The following ST8SIA4 variants were observed in gnomAD, a reference collection of about 807,000 sequenced individuals.
ST8SIA4 encodes CMP-N-acetylneuraminate-poly-alpha-2,8-sialyltransferase.
Under a neutral mutation model 33.9 loss-of-function variants are expected in ST8SIA4, and 15 were observed. The ratio of observed to expected loss-of-function variants is 0.44; its 90% CI spans 0.30 to 0.68. ST8SIA4 has a LOEUF of 0.68. ST8SIA4 is among the 30% of genes least tolerant of loss of function. The pLI, the probability that ST8SIA4 is intolerant of heterozygous loss-of-function variation, is 0.10. For synonymous variants in ST8SIA4, 171 were observed against 151.2 expected (o/e 1.13, Z -0.96); for missense variants, 321 against 428.0 (o/e 0.75, Z 2.21).
intron 4 of ST8SIA4, among the ~76,000 whole-genome samples, chr5:100,829,013 T>C (rs1358242091): frequency 6.6e-6 from 1 of 152,204 alleles, no homozygotes; most frequent in African/African-American, 2.4e-5. Flanking sequence ...CAGTGACCTA[T>C]AAAAACAGTG....
At chr5:100,885,107 T>C (rs1752508837) in intron 3 of ST8SIA4, among the ~76,000 whole-genome samples, 1 of 150,164 alleles carries the variant, frequency 6.7e-6, no homozygotes, top group Non-Finnish European at 1.5e-5. Context: ...ACTTCGACAT[T>C]TGAAGCTCCT....
At chr5:100,899,647 C>T (rs1752856956) in intron 1 of ST8SIA4, among the ~76,000 whole-genome samples, 1 of 152,092 alleles carries the variant, frequency 6.6e-6, no homozygotes, top group African/African-American at 2.4e-5. Flanking sequence ...TAAGGACTAA[C>T]AAAACAAATA....
chr5:100,826,337 T>C (rs530746530), intron 4 of ST8SIA4, among the ~76,000 whole-genome samples: 29 of 152,330 alleles, frequency 1.9e-4, no homozygotes, highest in South Asian at 1.9e-3. Context: ...AAGTTTCAAT[T>C]TCCAGTTGAT....
intron 4 of ST8SIA4, among the ~76,000 whole-genome samples, chr5:100,834,074 T>C (rs971641445): frequency 6.6e-6 from 1 of 152,162 alleles, no homozygotes; most frequent in Admixed American, 6.6e-5. Context: ...TGAGTGCTAA[T>C]ATAATAATCA....
rs180711122 is a variant in ST8SIA4 at position 100,899,831 on chromosome 5, A to G, written c.113+3012T>C. On this transcript the variant is annotated intron_variant, in intron 1 of 4. Coordinates refer to ENST00000231461, the MANE Select transcript of ST8SIA4 (RefSeq NM_005668.6). Reference sequence around the variant, plus strand: ...AACTGTGAGGTCTACTAAGAAAGTAAAGTTAGTCAAGAACACACCACTTAA... The same window carrying G: ...AACTGTGAGGTCTACTAAGAAAGTAGAGTTAGTCAAGAACACACCACTTAA... Among the ~76,000 whole-genome samples the G allele has an allele frequency of 3.5e-4, 54 of 152,346 alleles. No individual in the cohort carries two copies. In the East Asian group the frequency reaches 8.5e-3, roughly 24 times the overall value.
intron 4 of ST8SIA4, among the ~76,000 whole-genome samples, chr5:100,820,013 T>C (rs1307643279): frequency 6.6e-6 from 1 of 152,186 alleles, no homozygotes; most frequent in Non-Finnish European, 1.5e-5. Flanking sequence ...ATCCCTGAGT[T>C]ACAATATTCA....
intron 4 of ST8SIA4, among the ~76,000 whole-genome samples, chr5:100,836,297 G>A (rs1236700645): frequency 2.6e-5 from 4 of 152,022 alleles, no homozygotes; most frequent in Non-Finnish European, 4.4e-5. Flanking sequence ...CTGGCACAAA[G>A]TCATGGAGCT....
chr5:100,845,897 C>G (rs1751559623), intron 4 of ST8SIA4, among the ~76,000 whole-genome samples: 1 of 151,836 alleles, frequency 6.6e-6, no homozygotes, highest in Non-Finnish European at 1.5e-5. Context: ...CTCAGGTGGC[C>G]AGGATGAATT....
intron 4 of ST8SIA4, among the ~76,000 whole-genome samples, chr5:100,850,677 T>C (rs756366654): frequency 6.6e-6 from 1 of 151,964 alleles, no homozygotes; most frequent in Non-Finnish European, 1.5e-5. Context: ...GAACATATTA[T>C]ACAGTATTCA....
chr5:100,824,850 A>C (rs1345194700), intron 4 of ST8SIA4, among the ~76,000 whole-genome samples: 3 of 151,118 alleles, frequency 2.0e-5, no homozygotes, highest in African/African-American at 7.3e-5. Flanking sequence ...CCTGGAGGCC[A>C]AAGGTGTGAG....
chr5:100,892,087 A>G (rs1752682475), intron 2 of ST8SIA4, among the ~76,000 whole-genome samples: 1 of 152,098 alleles, frequency 6.6e-6, no homozygotes, highest in Admixed American at 6.6e-5. Context: ...TGATAAAGCT[A>G]TCCTGATGTG....
Position 100,856,488 on chromosome 5 carries a change from AT to A in ST8SIA4, c.504-93del, listed in dbSNP as rs1334273746. On this transcript the variant is annotated intron_variant, in intron 3 of 4. Transcript: ENST00000231461. Reference sequence around the variant, plus strand: ...ATGAAAAGAAGAATGGGAAATAAGCATTTTTTTAACCATGTGAAAAGAAAAC... The same window carrying A: ...ATGAAAAGAAGAATGGGAAATAAGCATTTTTTAACCATGTGAAAAGAAAAC... The A allele has an allele frequency of 1.2e-5, 15 of 1,269,882 alleles. No individual in the cohort carries two copies. The South Asian group carries it at 1.2e-4, about 10-fold the overall frequency. 78.7% of individuals were successfully genotyped at this position (1,269,882 alleles called of 1,614,324 possible).
At chr5:100,837,640 C>T (rs550386320) in intron 4 of ST8SIA4, among the ~76,000 whole-genome samples, 1 of 151,970 alleles carries the variant, frequency 6.6e-6, no homozygotes, top group African/African-American at 2.4e-5. Context: ...GTCATCTCCT[C>T]ATTAGTTTGA....
chr5:100,863,661 T>C (rs1328408949), intron 3 of ST8SIA4, among the ~76,000 whole-genome samples: 1 of 152,194 alleles, frequency 6.6e-6, no homozygotes, highest in East Asian at 1.9e-4. Context: ...TCTTTAGCAT[T>C]GGAACTCAAG....
intron 3 of ST8SIA4, among the ~76,000 whole-genome samples, chr5:100,860,443 C>CA (rs562139996): frequency 1.1e-4 from 17 of 151,878 alleles, no homozygotes; most frequent in African/African-American, 2.9e-4. Context: ...GCAAATAGAA[C>CA]AAAAAAAATC....
chr5:100,890,258 A>T (rs979296466), intron 2 of ST8SIA4, among the ~76,000 whole-genome samples: 3 of 151,920 alleles, frequency 2.0e-5, no homozygotes, highest in African/African-American at 7.2e-5. Flanking sequence ...GCGAATTAAA[A>T]GCTTTGTGAA....
At position 100,812,114 on chromosome 5, in the gene ST8SIA4, G is replaced by T; in HGVS notation, c.813C>A (p.Asn271Lys). 6.2e-7 allele frequency: 1 copy of T among 1,610,492 alleles called. No individual in the cohort carries two copies. The highest frequency in any genetic ancestry group is 8.5e-7 in the Non-Finnish European group (1 of 1,178,766). ...TGCTGGGTCTTTTGATAGGAACTTT[G>T]TTGGTCAGCCAGTAACTGGAAAAAC... ...IHAVRGYWLT[N>K]KVPIKRPSTG... Residue 271 changes from asparagine to lysine, a missense_variant, in exon 5 of 5, where the codon AAC becomes AAA. Coordinates refer to ENST00000231461, the MANE Select transcript of ST8SIA4 (RefSeq NM_005668.6).
At chr5:100,812,182 G>A in intron 4 of ST8SIA4, 53 bp from the exon 5 acceptor site, 2 of 1,501,510 alleles carry the variant, frequency 1.3e-6, no homozygotes, top group East Asian at 2.3e-5. Context: ...CACACATAGA[G>A]CATATCCTAT....
At chr5:100,874,513 T>A (rs188742852) in intron 3 of ST8SIA4, among the ~76,000 whole-genome samples, 197 of 152,146 alleles carry the variant, frequency 1.3e-3, no homozygotes, top group Non-Finnish European at 2.2e-3. Flanking sequence ...CTGTGCCTTT[T>A]CCTCTCTCTC....
Sources: allele counts gnomAD v4.1 joint callset (sites outside exome capture counted in the v4.1 genomes callset), GRCh38; gene constraint gnomAD v4.1.1; transcripts MANE v1.5; gene names NCBI Gene and HGNC (gene_info 2026-07-23, HGNC 2026-07-21).